The following PAWR variants were observed in gnomAD, a reference collection of about 807,000 sequenced individuals.
PAWR encodes the protein pro-apoptotic WT1 regulator, also known as PRKC apoptosis WT1 regulator protein.
In PAWR, 23 loss-of-function variants were observed where a neutral mutation model predicts 32.0. The observed-to-expected ratio is 0.72, with a 90% confidence interval of 0.52 to 1.02. The LOEUF (loss-of-function observed/expected upper bound fraction) is 1.02, where lower values mean the gene tolerates loss of function less well. Ranked by LOEUF, PAWR falls within the 50% of genes least tolerant of loss-of-function variation. PAWR has a pLI of 0.00. For missense variants in PAWR, 457 were observed against 437.7 expected (o/e 1.04, Z -0.39); for synonymous variants, 226 against 187.1 (o/e 1.21, Z -1.70).
At chr12:79,613,969 ATATATATATATTTTTTTTTTTTTTTTTT>A (rs1874594025) in intron 3 of PAWR, among the ~76,000 whole-genome samples, 1 of 8,870 alleles carries the variant, frequency 1.1e-4, no homozygotes, top group African/African-American at 7.4e-4. Context: ...ATATATATAT[ATATATATATATTTTTTTTTTTTTTTTTT>A]TTTTTTTTTT....
intron 6 of PAWR, among the ~76,000 whole-genome samples, chr12:79,593,921 C>G (rs1160343465): frequency 6.6e-6 from 1 of 151,728 alleles, no homozygotes; most frequent in East Asian, 2.0e-4. Flanking sequence ...CCAGGCTGGT[C>G]TCGAACTCCT....
intron 2 of PAWR, among the ~76,000 whole-genome samples, chr12:79,641,836 A>G (rs570558918): frequency 8.1e-6 from 1 of 123,486 alleles, no homozygotes; most frequent in African/African-American, 3.3e-5. Flanking sequence ...ACCGAGCGAG[A>G]CTCCGTCTCA....
Position 79,588,843 on chromosome 12 carries a change from T to C in PAWR, c.*3764A>G, listed in dbSNP as rs1391274153. ...TGGACTCAGATTTTCTTAGGAGATATTAGTTCAAGTTTTTAAACTGGGAAA... is the reference window on the plus strand; with the variant it reads ...TGGACTCAGATTTTCTTAGGAGATACTAGTTCAAGTTTTTAAACTGGGAAA... On this transcript the variant is annotated 3_prime_UTR_variant, in exon 7 of 7. Transcript: ENST00000328827. The C allele has an allele frequency of 6.6e-6, 1 of 152,040 alleles. No homozygotes were observed. Among genetic ancestry groups the C allele is most frequent in the African/African-American group, 2.4e-5 (1 of 41,436 alleles). 9.4% of individuals were successfully genotyped at this position (152,040 alleles called of 1,614,324 possible).
rs1453632797 is a variant in PAWR, at chr12:79,690,134, C to CG, written c.110dup (p.Ala40GlyfsTer87). On this transcript the variant is annotated frameshift_variant, in exon 2 of 7. Coordinates refer to ENST00000328827, the MANE Select transcript of PAWR (RefSeq NM_002583.4). LOFTEE classifies it high-confidence loss of function. ...TGCCCCCTCCCGGGGGGGCCGGGCCCGGGGGGTTCTGCTTGGCGCGCATCT... is the reference window on the plus strand; with the variant it reads ...TGCCCCCTCCCGGGGGGGCCGGGCCCGGGGGGGTTCTGCTTGGCGCGCATCT... 19 of 1,515,840 alleles carry CG rather than the reference C, an allele frequency of 1.3e-5. No homozygotes were observed. Among genetic ancestry groups the CG allele is most frequent in the Non-Finnish European group, 1.6e-5 (18 of 1,135,134 alleles). The allele number at this position is 1,515,840 out of a possible 1,614,324, so 93.9% of individuals were successfully genotyped here. A position where few individuals can be genotyped will look rare whatever the true frequency, so the allele number is the denominator to read the frequency against.
At chr12:79,690,560 A>G (rs1565711003) in intron 1 of PAWR, 169 bp from the exon 2 acceptor site, 1 of 277,208 alleles carries the variant, frequency 3.6e-6, no homozygotes, top group African/African-American at 2.2e-5. Flanking sequence ...ACGCACCTAC[A>G]GTACGGACCC....
At chr12:79,681,157 G>A (rs557443934) in intron 2 of PAWR, among the ~76,000 whole-genome samples, 2 of 145,932 alleles carry the variant, frequency 1.4e-5, no homozygotes, top group Non-Finnish European at 3.1e-5. Flanking sequence ...GGGAGGGGAG[G>A]GGAGGGGAGG....
chr12:79,596,887 A>C (rs902935957), intron 4 of PAWR: 2 of 435,912 alleles, frequency 4.6e-6, no homozygotes, highest in African/African-American at 4.1e-5. Flanking sequence ...TAAGTAACGA[A>C]CACTGTTCTG....
intron 4 of PAWR, among the ~76,000 whole-genome samples, chr12:79,611,182 T>C (rs947156739): frequency 6.8e-6 from 1 of 146,634 alleles, no homozygotes; most frequent in African/African-American, 2.5e-5. Flanking sequence ...GATATTTATA[T>C]ATAAATCTTA....
intron 2 of PAWR, among the ~76,000 whole-genome samples, chr12:79,681,214 CAAA>C (rs1227144554): frequency 6.6e-6 from 1 of 151,632 alleles, no homozygotes; most frequent in Non-Finnish European, 1.5e-5. Flanking sequence ...ATGGGCTAAT[CAAA>C]AAGCCACATA....
At chr12:79,604,504 C>T in intron 4 of PAWR, 1 of 1,149,076 alleles carries the variant, frequency 8.7e-7, no homozygotes, top group Non-Finnish European at 1.1e-6. Context: ...TAAAGCTTAG[C>T]AATGAGAAGA....
At chr12:79,641,963 AC>A (rs1210949548) in intron 2 of PAWR, among the ~76,000 whole-genome samples, 2 of 151,130 alleles carry the variant, frequency 1.3e-5, no homozygotes, top group Non-Finnish European at 3.0e-5. Flanking sequence ...CTACAAGGGG[AC>A]CTGGAGAGGT....
At chr12:79,666,803 A>G (rs998212669) in intron 2 of PAWR, among the ~76,000 whole-genome samples, 8 of 152,222 alleles carry the variant, frequency 5.3e-5, no homozygotes, top group African/African-American at 9.6e-5. Flanking sequence ...TAAAAAAGTA[A>G]ATGCTCATAC....
chr12:79,661,043 G>T (rs922938688), intron 2 of PAWR, among the ~76,000 whole-genome samples: 1 of 151,762 alleles, frequency 6.6e-6, no homozygotes, highest in Non-Finnish European at 1.5e-5. Flanking sequence ...CGAGGTGGGT[G>T]TATCACTTGA....
intron 2 of PAWR, among the ~76,000 whole-genome samples, chr12:79,674,712 C>T (rs1173107280): frequency 6.9e-6 from 1 of 144,034 alleles, no homozygotes; most frequent in Non-Finnish European, 1.5e-5. Flanking sequence ...ATCAATAAGC[C>T]AAAAAAAAAA....
intron 4 of PAWR, chr12:79,604,438 G>T: frequency 9.7e-7 from 1 of 1,035,162 alleles, no homozygotes; most frequent in South Asian, 3.2e-5. Context: ...ATGAGAATGA[G>T]ATTGGCAGCA....
rs1266890410 is a variant in PAWR at position 79,586,155 on chromosome 12, G to C, written c.*6452C>G. On this transcript the variant is annotated 3_prime_UTR_variant, in exon 7 of 7. Coordinates refer to ENST00000328827, the MANE Select transcript of PAWR (RefSeq NM_002583.4). ...CATCCATACACAAAACGTTTAATGT[G>C]TTATGGAAGGCTAACAGTTTTTCAG... 2.0e-5 allele frequency: 3 copies of C among 152,222 alleles called. No individual in the cohort carries two copies. Among genetic ancestry groups the C allele is most frequent in the Non-Finnish European group, 4.4e-5 (3 of 68,032 alleles). The allele number at this position is 152,222 out of a possible 1,614,324, so 9.4% of individuals were successfully genotyped here.
At chr12:79,605,424 T>C (rs1012129655) in intron 4 of PAWR, among the ~76,000 whole-genome samples, 2 of 152,120 alleles carry the variant, frequency 1.3e-5, no homozygotes, top group Non-Finnish European at 2.9e-5. Context: ...CTCATTATCA[T>C]CTTAACATGG....
chr12:79,676,904 G>A (rs1252912893), intron 2 of PAWR, among the ~76,000 whole-genome samples: 1 of 152,062 alleles, frequency 6.6e-6, no homozygotes, highest in South Asian at 2.1e-4. Flanking sequence ...AAAATTACCT[G>A]GACCATTCAA....
Position 79,586,601 on chromosome 12 carries a change from A to T in PAWR, c.*6006T>A, listed in dbSNP as rs983986717. ...GATTAACAATAGTGAATAACTGAGC[A>T]CATATTAACATGAATAACATACACA... On this transcript the variant is annotated 3_prime_UTR_variant, in exon 7 of 7. Coordinates refer to ENST00000328827, the MANE Select transcript of PAWR (RefSeq NM_002583.4). The T allele has an allele frequency of 1.3e-5, 2 of 152,232 alleles. No homozygotes were observed. Among genetic ancestry groups the T allele is most frequent in the Non-Finnish European group, 2.9e-5 (2 of 68,026 alleles). 9.4% of individuals were successfully genotyped at this position (152,232 alleles called of 1,614,324 possible).
Sources: allele counts gnomAD v4.1 joint callset (sites outside exome capture counted in the v4.1 genomes callset), GRCh38; gene constraint gnomAD v4.1.1; transcripts MANE v1.5; gene names NCBI Gene and HGNC (gene_info 2026-07-23, HGNC 2026-07-21).